STKLD1: variants seen among roughly 807,000 people sequenced by gnomAD.
STKLD1 encodes serine/threonine kinase-like domain-containing protein STKLD1.
Under a neutral mutation model 80.4 loss-of-function variants are expected in STKLD1, and 79 were observed. That is an observed-to-expected ratio of 0.98 (90% confidence interval 0.82 to 1.19). STKLD1 has a LOEUF of 1.19. STKLD1 is among the 50% of genes most tolerant of loss of function. The pLI is 0.00. For synonymous variants in STKLD1, 393 were observed against 357.6 expected, an observed-to-expected ratio of 1.10 and a Z score of -1.12; for missense variants, 841 against 856.0, an observed-to-expected ratio of 0.98 and a Z score of 0.22.
At chr9:133,378,504 C>G (rs2130257923) in intron 1 of STKLD1, among the ~76,000 whole-genome samples, 5 of 152,228 alleles carry the variant, frequency 3.3e-5, no homozygotes, top group Non-Finnish European at 5.9e-5. Flanking sequence ...GTGACATAGC[C>G]TCAGGCAAGG....
At chr9:133,404,093 A>G (rs781963665) in intron 16 of STKLD1, 45 bp downstream of exon 16, 1 of 1,524,028 alleles carries the variant, frequency 6.6e-7, no homozygotes, top group South Asian at 1.3e-5. Context: ...AGGTGGGGGC[A>G]AGAATCAGCC....
Position 133,389,335 on chromosome 9 carries a change from G to C in STKLD1, c.397-191G>C. ...GAAACTCAGAGTCCTTCTGGCTGCC[G>C]CCGCGGCTTTACCATCTGGAGAGCC... On this transcript the variant is annotated intron_variant, in intron 5 of 17. Transcript: ENST00000371957. This position sits in a 1 kb window ranked among gnomAD's most constrained non-coding sequence, Gnocchi z 6.4. 2.0e-6 allele frequency: 2 copies of C among 985,348 alleles called. No homozygotes were observed. The highest frequency in any genetic ancestry group is 2.4e-6 in the Non-Finnish European group (2 of 829,922). The allele number at this position is 985,348 out of a possible 1,614,324, so 61.0% of individuals were successfully genotyped here.
rs1298128492 is a variant in STKLD1, at chr9:133,389,043, T to C, written c.397-483T>C. On this transcript the variant is annotated intron_variant, in intron 5 of 17. Coordinates refer to ENST00000371957, the MANE Select transcript of STKLD1 (RefSeq NM_153710.5). The surrounding 1 kb of genome is among the most constrained non-coding windows in gnomAD (Gnocchi z 6.4). ...TCCAGGGGCCCTAGGAGCCCAGCTT[T>C]AGAATCACCGCGCTGGGTACTCGAT... 1.0e-6 allele frequency: 1 copy of C among 985,248 alleles called. No individual in the cohort carries two copies. Among genetic ancestry groups the C allele is most frequent in the African/African-American group, 1.7e-5 (1 of 57,210 alleles). 61.0% of individuals were successfully genotyped at this position (985,248 alleles called of 1,614,324 possible).
At chr9:133,402,794 G>A in intron 13 of STKLD1, 84 bp from the exon 14 acceptor site, 1 of 1,470,386 alleles carries the variant, frequency 6.8e-7, no homozygotes, top group African/African-American at 1.4e-5. Flanking sequence ...AGGTCAAATG[G>A]GACTGCAGTG....
At position 133,405,791 on chromosome 9, in the gene STKLD1, G is replaced by A. The variant is rs1045203131; in HGVS notation, c.*370G>A. The A allele has an allele frequency of 1.7e-5, 3 of 171,820 alleles. No homozygotes were observed. The highest frequency in any genetic ancestry group is 4.8e-5 in the African/African-American group (2 of 41,956). 10.6% of individuals were successfully genotyped at this position (171,820 alleles called of 1,614,324 possible). On this transcript the variant is annotated 3_prime_UTR_variant, in exon 18 of 18. Transcript: ENST00000371957. ...CCCACAGGCCCCTCCCTCCACGTGTGCCCTCTCCCTGTCCTTCCTTTCCAT... is the reference window on the plus strand; with the variant it reads ...CCCACAGGCCCCTCCCTCCACGTGTACCCTCTCCCTGTCCTTCCTTTCCAT...
rs781864670 is a variant in STKLD1, at chr9:133,405,465, C to G, written c.*44C>G. On this transcript the variant is annotated 3_prime_UTR_variant, in exon 18 of 18. Transcript: ENST00000371957. ...CCTTGATCTCCACGTGTATAGTTTT[C>G]AAGACTGCTCTCCTGCCTGCCTATT... 4 of 1,534,194 alleles carry G rather than the reference C, an allele frequency of 2.6e-6. No homozygotes were observed. The highest frequency in any genetic ancestry group is 1.2e-5 in the South Asian group (1 of 82,954).
chr9:133,396,271 G>A (rs782452778), intron 9 of STKLD1, among the ~76,000 whole-genome samples: 5 of 151,838 alleles, frequency 3.3e-5, no homozygotes, highest in African/African-American at 4.8e-5. Context: ...CTGTCTCTAC[G>A]AAAAATACAA....
intron 7 of STKLD1, among the ~76,000 whole-genome samples, chr9:133,392,719 GTGGATGGA>G (rs1204358602): frequency 1.1e-5 from 1 of 88,380 alleles, no homozygotes; most frequent in African/African-American, 5.9e-5. Context: ...GGATGGATGA[GTGGATGGA>G]TGGATGGATG....
intron 13 of STKLD1, 83 bp downstream of exon 13, chr9:133,401,961 T>C (rs138732613): frequency 3.7e-5 from 57 of 1,558,068 alleles, no homozygotes; most frequent in Non-Finnish European, 4.8e-5. Flanking sequence ...GTTTGGGGTA[T>C]AGGTGGGTTG....
chr9:133,402,805 C>T (rs1233951451), intron 13 of STKLD1, 73 bp from the exon 14 acceptor site: 2 of 1,524,048 alleles, frequency 1.3e-6, no homozygotes, highest in Admixed American at 2.0e-5. Flanking sequence ...GACTGCAGTG[C>T]CCAAGGACAA....
chr9:133,382,899 TTG>T (rs1838174280), intron 2 of STKLD1, among the ~76,000 whole-genome samples: 1 of 133,362 alleles, frequency 7.5e-6, no homozygotes, highest in Non-Finnish European at 1.6e-5. Context: ...GGTGATGATG[TTG>T]GTGATGGTGG....
At chr9:133,393,189 T>C (rs1838453087) in intron 7 of STKLD1, among the ~76,000 whole-genome samples, 1 of 101,394 alleles carries the variant, frequency 9.9e-6, no homozygotes, top group African/African-American at 4.1e-5. Flanking sequence ...ATTGGATGAG[T>C]GCATGGATGG....
At chr9:133,377,433 A>C (rs1416038368) in intron 1 of STKLD1, among the ~76,000 whole-genome samples, 1 of 152,232 alleles carries the variant, frequency 6.6e-6, no homozygotes, top group South Asian at 2.1e-4. Context: ...TGGGAGGCCA[A>C]GGCGGGCGGA....
Position 133,404,864 on chromosome 9 carries a change from T to G in STKLD1, c.1808T>G (p.Leu603Arg). The change falls in exon 17 of 18, where the codon CTC becomes CGC. Residue 603 changes from leucine to arginine, a missense_variant. Leu to Arg is a moderately radical substitution (Grantham distance 102). Coordinates refer to ENST00000371957, the MANE Select transcript of STKLD1 (RefSeq NM_153710.5). ...AGCCTCATCAAGGAGACCTACCAGCTCCACAGGGACGACCCGGAGGTGGTG... is the reference window on the plus strand; with the variant it reads ...AGCCTCATCAAGGAGACCTACCAGCGCCACAGGGACGACCCGGAGGTGGTG... ...GLSLIKETYQ[L>R]HRDDPEVVEN... 1 of 1,613,050 alleles carries G rather than the reference T, an allele frequency of 6.2e-7. No individual in the cohort carries two copies. The highest frequency in any genetic ancestry group is 8.5e-7 in the Non-Finnish European group (1 of 1,179,674).
Position 133,384,137 on chromosome 9 carries a change from A to T in STKLD1, c.219+237A>T, listed in dbSNP as rs1838213174. ...CAACTTAGAACATATGTTCCCAGAG[A>T]ACATAAAATTTAAATATTGGGCTGG... On this transcript the variant is annotated intron_variant, in intron 3 of 17. Transcript: ENST00000371957. The surrounding 1 kb of genome is among the most constrained non-coding windows in gnomAD (Gnocchi z 4.3). 4 of 539,588 alleles carry T rather than the reference A, an allele frequency of 7.4e-6. No individual in the cohort carries two copies. The highest frequency in any genetic ancestry group is 9.9e-6 in the Non-Finnish European group (3 of 302,664). 33.4% of individuals were successfully genotyped at this position (539,588 alleles called of 1,614,324 possible).
chr9:133,400,840 A>C (rs1415089704), intron 12 of STKLD1, among the ~76,000 whole-genome samples: 1 of 152,146 alleles, frequency 6.6e-6, no homozygotes, highest in Non-Finnish European at 1.5e-5. Flanking sequence ...GAGCTTGGAG[A>C]CGCGGATCCC....
chr9:133,395,345 G>A (rs1838532124), intron 8 of STKLD1, among the ~76,000 whole-genome samples: 1 of 152,146 alleles, frequency 6.6e-6, no homozygotes, highest in South Asian at 2.1e-4. Flanking sequence ...CTTACTGGCT[G>A]GGTCTAGATC....
chr9:133,397,392 C>A, intron 10 of STKLD1, 98 bp downstream of exon 10: 1 of 1,506,306 alleles, frequency 6.6e-7, no homozygotes. Context: ...TATTTATGCC[C>A]CTGGCCTTGC....
intron 17 of STKLD1, 65 bp downstream of exon 17, chr9:133,404,994 A>G (rs1838812707): frequency 3.8e-6 from 6 of 1,577,202 alleles, no homozygotes; most frequent in South Asian, 1.2e-5. Flanking sequence ...CGCTCCCCCT[A>G]TAACTGACAG....
Sources: allele counts gnomAD v4.1 joint callset (sites outside exome capture counted in the v4.1 genomes callset), GRCh38; gene constraint gnomAD v4.1.1; non-coding constraint Gnocchi (gnomAD v3.1); transcripts MANE v1.5; gene names NCBI Gene and HGNC (gene_info 2026-07-23, HGNC 2026-07-21).